The following SUPT3H variants were observed in gnomAD, a reference collection of about 807,000 sequenced individuals.
The protein encoded by SUPT3H is transcription initiation protein SPT3 homolog.
Under a neutral mutation model 44.3 loss-of-function variants are expected in SUPT3H, and 44 were observed. That is an observed-to-expected ratio of 0.99 (90% CI 0.78 to 1.28). The LOEUF (loss-of-function observed/expected upper bound fraction) is 1.28. SUPT3H is among the 50% of genes most tolerant of loss of function. The pLI, the probability that SUPT3H is intolerant of heterozygous loss-of-function variation, is 0.00. For missense variants in SUPT3H, 380 were observed against 387.1 expected, an observed-to-expected ratio of 0.98 and a Z score of 0.15; for synonymous variants, 124 against 125.6, an observed-to-expected ratio of 0.99 and a Z score of 0.09.
At chr6:45,084,194 A>G (rs1373908162) in intron 3 of SUPT3H, among the ~76,000 whole-genome samples, 2 of 152,218 alleles carry the variant, frequency 1.3e-5, no homozygotes, top group Non-Finnish European at 1.5e-5. Context: ...CTATTGACAG[A>G]GTACGTTAGA....
At chr6:45,175,361 G>A (rs1034192317) in intron 2 of SUPT3H, among the ~76,000 whole-genome samples, 1 of 152,152 alleles carries the variant, frequency 6.6e-6, no homozygotes, top group Non-Finnish European at 1.5e-5. Flanking sequence ...ACGGTGAAAG[G>A]CGATGGGGAA....
rs538414750 is a variant in SUPT3H, at chr6:45,259,723, G to C, written c.101+105478C>G. Among the ~76,000 whole-genome samples the C allele has an allele frequency of 2.0e-5, 3 of 152,004 alleles. No individual in the cohort carries two copies. In the East Asian group the frequency reaches 5.8e-4, roughly 29 times the overall value. On this transcript the variant is annotated intron_variant, in intron 2 of 10. Coordinates refer to ENST00000371459, the MANE Select transcript of SUPT3H (RefSeq NM_003599.4). The stretch of plus-strand genomic sequence containing the variant: ...TTCTAATCAAGCCATGTAAAAACTA[G>C]TAACTCTGGTGTCTAGTCTGGGCCT...
intron 2 of SUPT3H, among the ~76,000 whole-genome samples, chr6:45,303,245 T>A (rs1021401682): frequency 2.0e-5 from 3 of 151,864 alleles, no homozygotes; most frequent in Non-Finnish European, 2.9e-5. Flanking sequence ...AAAGCAAATA[T>A]AACAAAAACA....
intron 4 of SUPT3H, among the ~76,000 whole-genome samples, chr6:45,019,273 T>C (rs1002717672): frequency 3.9e-5 from 6 of 152,072 alleles, no homozygotes; most frequent in Non-Finnish European, 7.4e-5. Flanking sequence ...GGTCTATCAG[T>C]TTTGTTGATC....
chr6:45,272,749 T>G (rs1217183490), intron 2 of SUPT3H, among the ~76,000 whole-genome samples: 2 of 151,770 alleles, frequency 1.3e-5, no homozygotes, highest in Admixed American at 1.3e-4. Context: ...CCAGGCATTT[T>G]TTTTTCTGCT....
intron 1 of SUPT3H, among the ~76,000 whole-genome samples, chr6:45,370,740 T>TA (rs1376004310): frequency 6.6e-6 from 1 of 152,138 alleles, no homozygotes; most frequent in East Asian, 1.9e-4. Context: ...GATAAACAGC[T>TA]AAAACTGTGC....
At chr6:45,133,519 C>G (rs1169438918) in intron 2 of SUPT3H, among the ~76,000 whole-genome samples, 2 of 152,162 alleles carry the variant, frequency 1.3e-5, no homozygotes, top group African/African-American at 4.8e-5. Context: ...AACAAATCTT[C>G]TGCCATTTCC....
intron 2 of SUPT3H, among the ~76,000 whole-genome samples, chr6:45,176,773 C>A (rs1302503513): frequency 1.3e-5 from 2 of 152,152 alleles, no homozygotes; most frequent in East Asian, 1.9e-4. Context: ...GACCCCTGAC[C>A]CCCGAGCAGC....
intron 2 of SUPT3H, among the ~76,000 whole-genome samples, chr6:45,159,916 T>C (rs1271519251): frequency 1.3e-5 from 2 of 152,192 alleles, no homozygotes; most frequent in African/African-American, 4.8e-5. Context: ...CACACCTACA[T>C]ATACCCAAAT....
At chr6:45,109,807 A>T (rs1236577722) in intron 2 of SUPT3H, among the ~76,000 whole-genome samples, 1 of 152,202 alleles carries the variant, frequency 6.6e-6, no homozygotes, top group Non-Finnish European at 1.5e-5. Context: ...AAGACAGACA[A>T]GTAATTGATA....
At chr6:45,022,467 T>A (rs1785298017) in intron 3 of SUPT3H, among the ~76,000 whole-genome samples, 1 of 151,530 alleles carries the variant, frequency 6.6e-6, no homozygotes, top group South Asian at 2.1e-4. Context: ...ACTGTAAGGA[T>A]CTGGAATTTA....
intron 2 of SUPT3H, among the ~76,000 whole-genome samples, chr6:45,181,099 A>G (rs1813079382): frequency 6.6e-6 from 1 of 151,376 alleles, no homozygotes; most frequent in African/African-American, 2.4e-5. Flanking sequence ...TATGCAGCCA[A>G]GAAACACATG....
intron 2 of SUPT3H, among the ~76,000 whole-genome samples, chr6:45,273,975 T>C (rs1437160238): frequency 2.0e-5 from 3 of 152,228 alleles, no homozygotes; most frequent in Non-Finnish European, 4.4e-5. Flanking sequence ...ATCACATTTG[T>C]TATCTTTTTG....
At chr6:44,826,089 G>A (rs1395929427), downstream of SUPT3H, among the ~76,000 whole-genome samples, 2 of 152,184 alleles carry the variant, frequency 1.3e-5, no homozygotes, top group East Asian at 1.9e-4. Context: ...ATCAGTATCC[G>A]ACTTACAACA....
At chr6:45,144,607 C>T (rs938073649) in intron 2 of SUPT3H, among the ~76,000 whole-genome samples, 2 of 151,796 alleles carry the variant, frequency 1.3e-5, no homozygotes, top group African/African-American at 4.8e-5. Context: ...ACAAGGATGC[C>T]CACTTTGACC....
intron 2 of SUPT3H, among the ~76,000 whole-genome samples, chr6:45,346,138 CT>C: frequency 6.6e-6 from 1 of 152,188 alleles, no homozygotes; most frequent in East Asian, 1.9e-4. Flanking sequence ...ATCTGTAACT[CT>C]TTTCACATAC....
chr6:45,071,285 A>G (rs1562395238), intron 3 of SUPT3H, among the ~76,000 whole-genome samples: 2 of 152,164 alleles, frequency 1.3e-5, no homozygotes, highest in African/African-American at 4.8e-5. Flanking sequence ...CCACATCAAG[A>G]AAATCTAAAT....
chr6:45,147,242 T>C (rs755541910), intron 2 of SUPT3H, among the ~76,000 whole-genome samples: 20 of 152,098 alleles, frequency 1.3e-4, no homozygotes, highest in Non-Finnish European at 2.5e-4. Context: ...TGTCGAGATA[T>C]TTAAAATACG....
At chr6:45,192,066 T>C (rs1177300204) in intron 2 of SUPT3H, among the ~76,000 whole-genome samples, 1 of 152,152 alleles carries the variant, frequency 6.6e-6, no homozygotes, top group East Asian at 1.9e-4. Context: ...CACTGAAAGC[T>C]CTGCCACAGA....
Sources: allele counts gnomAD v4.1 joint callset (sites outside exome capture counted in the v4.1 genomes callset), GRCh38; gene constraint gnomAD v4.1.1; transcripts MANE v1.5; gene names NCBI Gene and HGNC (gene_info 2026-07-23, HGNC 2026-07-21).